NCK2: variants seen among roughly 807,000 people sequenced by gnomAD.
The protein encoded by NCK2 is NCK adaptor protein 2, also known as cytoplasmic protein NCK2.
In NCK2, 16 loss-of-function variants were observed where a neutral mutation model predicts 33.9. That is an observed-to-expected ratio of 0.47 (90% CI 0.32 to 0.72). The LOEUF is 0.72. NCK2 is among the 30% of genes least tolerant of loss of function. The probability of loss-of-function intolerance (pLI) is 0.03; values close to 1 mark genes in which losing one functional copy is unlikely to be tolerated. For synonymous variants in NCK2, 273 were observed against 239.9 expected (o/e 1.14, Z -1.27); for missense variants, 418 against 537.3 (o/e 0.78, Z 2.19).
At chr2:105,777,971 T>A (rs1299348336) in intron 1 of NCK2, among the ~76,000 whole-genome samples, 1 of 152,220 alleles carries the variant, frequency 6.6e-6, no homozygotes, top group Non-Finnish European at 1.5e-5. Flanking sequence ...TTCTTTTGTT[T>A]GAGACCTGGA....
chr2:105,784,820 C>T (rs1690618713), intron 1 of NCK2, among the ~76,000 whole-genome samples: 1 of 152,190 alleles, frequency 6.6e-6, no homozygotes, highest in African/African-American at 2.4e-5. Context: ...TTAGAATATG[C>T]ACAAAGAGTG....
rs1210691271 is a variant in NCK2 at position 105,893,184 on chromosome 2, C to T, written c.*8C>T. 3.2e-6 allele frequency: 5 copies of T among 1,577,032 alleles called. No individual in the cohort carries two copies. The highest frequency in any genetic ancestry group is 4.7e-5 in the East Asian group (2 of 42,846). On this transcript the variant is annotated 3_prime_UTR_variant, in exon 5 of 5. Coordinates refer to ENST00000233154, the MANE Select transcript of NCK2 (RefSeq NM_003581.5). Reference sequence around the variant, plus strand: ...GTCAGGGCCCTGCAGTGACGGCGCCCCGGCCCCACACTCGCCTCCCGGGCC... The same window carrying T: ...GTCAGGGCCCTGCAGTGACGGCGCCTCGGCCCCACACTCGCCTCCCGGGCC...
intron 1 of NCK2, among the ~76,000 whole-genome samples, chr2:105,772,140 C>A (rs1190384006): frequency 2.7e-5 from 4 of 150,608 alleles, no homozygotes; most frequent in African/African-American, 9.7e-5. Flanking sequence ...GCTGAGAATG[C>A]TGTGTTAGCA....
chr2:105,747,901 A>G (rs1342061938), intron 1 of NCK2, among the ~76,000 whole-genome samples: 1 of 152,264 alleles, frequency 6.6e-6, no homozygotes, highest in Non-Finnish European at 1.5e-5. Flanking sequence ...AGCTAAAGCA[A>G]AAACAGTTTT....
At chr2:105,783,139 C>G (rs1447384001) in intron 1 of NCK2, among the ~76,000 whole-genome samples, 1 of 152,232 alleles carries the variant, frequency 6.6e-6, no homozygotes, top group Non-Finnish European at 1.5e-5. Flanking sequence ...TTAACTTTCT[C>G]TGCAGCACTG....
chr2:105,746,778 C>T (rs1343751117), intron 1 of NCK2, among the ~76,000 whole-genome samples: 6 of 152,082 alleles, frequency 3.9e-5, no homozygotes, highest in African/African-American at 1.2e-4. Context: ...TATATTCTGC[C>T]CTGGAGGTTG....
chr2:105,773,633 C>A (rs571056476), intron 1 of NCK2, among the ~76,000 whole-genome samples: 2 of 152,256 alleles, frequency 1.3e-5, no homozygotes, highest in South Asian at 4.1e-4. Flanking sequence ...TTCTTATATG[C>A]TAGAGCATCC....
chr2:105,839,473 A>G (rs2104546377), intron 2 of NCK2, among the ~76,000 whole-genome samples: 1 of 152,212 alleles, frequency 6.6e-6, no homozygotes, highest in Non-Finnish European at 1.5e-5. Flanking sequence ...GGAGTGAGAG[A>G]CAAGAGCTTG....
At chr2:105,760,561 C>T (rs545407956) in intron 1 of NCK2, among the ~76,000 whole-genome samples, 20 of 152,212 alleles carry the variant, frequency 1.3e-4, no homozygotes, top group Non-Finnish European at 2.5e-4. Context: ...CGTGTAACCA[C>T]TTCTCCCACA....
At chr2:105,852,580 A>G (rs1677109969) in intron 2 of NCK2, among the ~76,000 whole-genome samples, 1 of 152,202 alleles carries the variant, frequency 6.6e-6, no homozygotes, top group African/African-American at 2.4e-5. Context: ...AGTAGGAAAT[A>G]TTAATAAACA....
At chr2:105,876,025 T>G (rs1678223331) in intron 3 of NCK2, among the ~76,000 whole-genome samples, 1 of 152,164 alleles carries the variant, frequency 6.6e-6, no homozygotes, top group African/African-American at 2.4e-5. Context: ...AGTTTATACA[T>G]TATTGAACAA....
At chr2:105,795,095 C>A (rs892895113) in intron 1 of NCK2, among the ~76,000 whole-genome samples, 3 of 152,234 alleles carry the variant, frequency 2.0e-5, no homozygotes, top group African/African-American at 7.2e-5. Context: ...AGTTCCCCCA[C>A]ATGAACTAGC....
At chr2:105,877,756 G>A (rs188840352) in intron 3 of NCK2, among the ~76,000 whole-genome samples, 21 of 152,270 alleles carry the variant, frequency 1.4e-4, no homozygotes, top group Admixed American at 1.2e-3. Flanking sequence ...GACACCAGCC[G>A]CTATCAGAAC....
intron 1 of NCK2, among the ~76,000 whole-genome samples, chr2:105,784,945 G>GT (rs941373562): frequency 4.9e-4 from 75 of 152,244 alleles, no homozygotes; most frequent in African/African-American, 1.6e-3. Context: ...TTTTTTATGT[G>GT]TTTTTTTGTG....
intron 3 of NCK2, among the ~76,000 whole-genome samples, chr2:105,865,129 T>C (rs1677696013): frequency 6.6e-6 from 1 of 152,136 alleles, no homozygotes. Flanking sequence ...AGAAAGCTCA[T>C]GCAGTAGAAA....
intron 1 of NCK2, among the ~76,000 whole-genome samples, chr2:105,812,042 C>T (rs1558849020): frequency 2.0e-5 from 3 of 152,108 alleles, no homozygotes; most frequent in South Asian, 2.1e-4. Context: ...TTTTTTCCCT[C>T]GTGTTTTCAT....
At chr2:105,820,007 C>T (rs1675663167) in intron 2 of NCK2, among the ~76,000 whole-genome samples, 1 of 152,200 alleles carries the variant, frequency 6.6e-6, no homozygotes, top group Non-Finnish European at 1.5e-5. Flanking sequence ...GTGCTAACTG[C>T]TGTAGTGGAG....
At chr2:105,876,109 G>C (rs954605934) in intron 3 of NCK2, among the ~76,000 whole-genome samples, 1 of 152,132 alleles carries the variant, frequency 6.6e-6, no homozygotes, top group African/African-American at 2.4e-5. Flanking sequence ...CATTGGAAGG[G>C]TTTTGTAACG....
intron 3 of NCK2, among the ~76,000 whole-genome samples, chr2:105,870,439 A>G (rs1677951790): frequency 6.6e-6 from 1 of 152,128 alleles, no homozygotes; most frequent in Non-Finnish European, 1.5e-5. Flanking sequence ...ATGTTTCATT[A>G]TGGGGTATGC....
Sources: gnomAD v4.1 joint callset for allele counts (sites outside exome capture counted in the v4.1 genomes callset) on GRCh38, gnomAD v4.1.1 for gene constraint, MANE v1.5 for transcripts, NCBI Gene and HGNC (gene_info 2026-07-23, HGNC 2026-07-21) for gene names.